The following PDE4A variants were observed in gnomAD, a reference collection of about 807,000 sequenced individuals.
PDE4A encodes the protein phosphodiesterase 4A, also known as 3',5'-cyclic-AMP phosphodiesterase 4A.
Under a neutral mutation model 73.9 loss-of-function variants are expected in PDE4A, and 21 were observed. The observed-to-expected ratio is 0.28, with a 90% confidence interval of 0.20 to 0.41. The LOEUF is 0.41. Among genes scored for constraint, PDE4A ranks in the 10% least tolerant of loss-of-function variants. The pLI is 1.00. For missense variants in PDE4A, 958 were observed against 1,211.4 expected (o/e 0.79, Z 3.10); for synonymous variants, 463 against 505.4 (o/e 0.92, Z 1.13).
At chr19:10,448,989 G>A (rs1419863157) in intron 3 of PDE4A, 36 bp downstream of exon 3, 1 of 1,612,384 alleles carries the variant, frequency 6.2e-7, no homozygotes, top group East Asian at 2.2e-5. Flanking sequence ...GGAGAGAAGG[G>A]GCTCCAATGC....
intron 1 of PDE4A, chr19:10,427,839 A>G: frequency 1.0e-6 from 1 of 985,350 alleles, no homozygotes; most frequent in Non-Finnish European, 1.2e-6. Context: ...CGGTGAACAA[A>G]AATGCATTTC....
chr19:10,454,410 T>C (rs1432049142), intron 6 of PDE4A, among the ~76,000 whole-genome samples: 1 of 152,196 alleles, frequency 6.6e-6, no homozygotes, highest in Non-Finnish European at 1.5e-5. Flanking sequence ...GCCTCCGGCT[T>C]GCCCCCCTTT....
In PDE4A at chr19:10,449,060, A is replaced by T; in HGVS notation, c.550-20A>T. ...CCTCTCTAGGGGAACCCCACTCCTC[A>T]CTGCCGCTCCCCATCCCAGGTGCTG... On this transcript the variant is annotated intron_variant, in intron 3 of 14. Transcript: ENST00000380702. The T allele has an allele frequency of 6.2e-7, 1 of 1,612,752 alleles. No individual in the cohort carries two copies. Among genetic ancestry groups the T allele is most frequent in the African/African-American group, 1.3e-5 (1 of 74,976 alleles).
chr19:10,446,338 G>A lies in PDE4A; in HGVS notation c.441G>A (p.Leu147=). 2 of 1,613,938 alleles carry A rather than the reference G, an allele frequency of 1.2e-6. No individual in the cohort carries two copies. Among genetic ancestry groups the A allele is most frequent in the Admixed American group, 1.7e-5 (1 of 60,018 alleles). ...AATSQRRESF[L]YRSDSDYDMS... Reference sequence around the variant, plus strand: ...CCAGCCAGCGCCGGGAGTCCTTCCTGTACCGCTCAGACAGCGACTATGACA... The same window carrying A: ...CCAGCCAGCGCCGGGAGTCCTTCCTATACCGCTCAGACAGCGACTATGACA... Residue 147 remains leucine (L), a synonymous_variant, in exon 2 of 15, where the codon CTG becomes CTA. Transcript: ENST00000380702.
intron 2 of PDE4A, among the ~76,000 whole-genome samples, chr19:10,446,739 C>A (rs750612051): frequency 8.6e-5 from 13 of 152,038 alleles, no homozygotes; most frequent in Non-Finnish European, 1.2e-4. Flanking sequence ...GGACTACAGG[C>A]ACCAGCCATC....
chr19:10,454,981 G>T (rs1489443247), intron 7 of PDE4A, 59 bp downstream of exon 7: 41 of 1,528,390 alleles, frequency 2.7e-5, no homozygotes, highest in Middle Eastern at 1.7e-4. Context: ...AGAGGGGGCT[G>T]CCCCTGACCG....
intron 1 of PDE4A, among the ~76,000 whole-genome samples, chr19:10,444,498 CAA>C (rs1180202891): frequency 1.4e-4 from 17 of 124,630 alleles, no homozygotes; most frequent in African/African-American, 1.2e-4. Flanking sequence ...AACTCCATCT[CAA>C]AAAAAAAAAA....
rs533637063 is a variant in PDE4A, at chr19:10,446,138, G to A, written c.321-80G>A. On this transcript the variant is annotated intron_variant, in intron 1 of 14. Transcript: ENST00000380702. The stretch of plus-strand genomic sequence containing the variant: ...ACAGGCATTACAGGCGTGAGCCACC[G>A]CACCCGGCCTCCTCATTCCTCTTGA... 3.2e-4 allele frequency: 482 copies of A among 1,500,480 alleles called. 5 individuals are homozygous for A. The East Asian group carries it at 0.01, about 32-fold the overall frequency. The allele number at this position is 1,500,480 out of a possible 1,614,324, so 92.9% of individuals were successfully genotyped here. A position where few individuals can be genotyped will look rare whatever the true frequency, so the allele number is the denominator to read the frequency against.
chr19:10,451,055 T>A, intron 6 of PDE4A, 114 bp downstream of exon 6: 1 of 1,032,492 alleles, frequency 9.7e-7, no homozygotes, highest in Non-Finnish European at 1.4e-6. Flanking sequence ...AGCCAGCCAT[T>A]AGGTTGTTCC....
At position 10,453,347 on chromosome 19, in the gene PDE4A, AG is replaced by A. The variant is rs1176549894; in HGVS notation, c.784-1477del. 5.4e-6 allele frequency: 6 copies of A among 1,103,294 alleles called. No homozygotes were observed. In the Admixed American group the frequency reaches 6.9e-5, roughly 13 times the overall value. The allele number at this position is 1,103,294 out of a possible 1,614,324, so 68.3% of individuals were successfully genotyped here. A position where few individuals can be genotyped will look rare whatever the true frequency, so the allele number is the denominator to read the frequency against. ...GGGACCAGGTAGGAGAGTGCAGGGTAGGGGGTGGGCGGGCATCCTGGTGAGC... is the reference window on the plus strand; with the variant it reads ...GGGACCAGGTAGGAGAGTGCAGGGTAGGGGTGGGCGGGCATCCTGGTGAGC... On this transcript the variant is annotated intron_variant, in intron 6 of 14. Coordinates refer to ENST00000380702, the MANE Select transcript of PDE4A (RefSeq NM_001111307.2). This position sits in a 1 kb window ranked among gnomAD's most constrained non-coding sequence, Gnocchi z 4.6.
upstream of PDE4A, chr19:10,417,150 T>C (rs2042596220): frequency 1.0e-6 from 1 of 983,664 alleles, no homozygotes; most frequent in Admixed American, 6.1e-5. Flanking sequence ...TGATTCCATT[T>C]TTTCTCCTGC....
Position 10,467,666 on chromosome 19 carries a change from C to T in PDE4A, c.*45C>T. On this transcript the variant is annotated 3_prime_UTR_variant, in exon 15 of 15. Coordinates refer to ENST00000380702, the MANE Select transcript of PDE4A (RefSeq NM_001111307.2). ...GTTCCCCTCCACTCCTCCCCTCACT[C>T]CCCTGCTCCCCCGACCACCTCCTCC... 1 of 1,408,880 alleles carries T rather than the reference C, an allele frequency of 7.1e-7. No homozygotes were observed. Among genetic ancestry groups the T allele is most frequent in the Non-Finnish European group, 9.6e-7 (1 of 1,040,920 alleles). The allele number at this position is 1,408,880 out of a possible 1,614,324, so 87.3% of individuals were successfully genotyped here. A position where few individuals can be genotyped will look rare whatever the true frequency, so the allele number is the denominator to read the frequency against.
At chr19:10,455,482 AT>A (rs376668786) in intron 7 of PDE4A, among the ~76,000 whole-genome samples, 5,689 of 145,596 alleles carry the variant, frequency 0.039, 237 homozygotes, top group African/African-American at 0.11. Context: ...AAAAAAAAAA[AT>A]ATTAGCCGGG....
intron 1 of PDE4A, chr19:10,423,006 T>G: frequency 1.8e-6 from 1 of 548,258 alleles, no homozygotes; most frequent in Non-Finnish European, 2.3e-6. Flanking sequence ...CATCATTATT[T>G]TGGTGGGTAT....
intron 7 of PDE4A, among the ~76,000 whole-genome samples, chr19:10,455,773 CAA>C (rs34278258): frequency 0.28 from 41,113 of 145,884 alleles, 6,620 homozygotes; most frequent in East Asian, 0.51. Flanking sequence ...AAAAAATAAA[CAA>C]AAAAAAAAAG....
rs750178577 is a variant in PDE4A at position 10,430,963 on chromosome 19, G to A, written c.320+9879G>A. ...GAGCCCCTGGCCCCGCGCGCGCCCC[G>A]CCGCCCGCGTTCGCCGCCCTCCTCG... is the stretch of plus-strand genomic sequence containing the variant. On this transcript the variant is annotated intron_variant, in intron 1 of 14. Coordinates refer to ENST00000380702, the MANE Select transcript of PDE4A (RefSeq NM_001111307.2). The A allele has an allele frequency of 2.4e-5, 36 of 1,527,262 alleles. No individual in the cohort carries two copies. The East Asian group carries it at 3.3e-4, about 14-fold the overall frequency. The allele number at this position is 1,527,262 out of a possible 1,614,324, so 94.6% of individuals were successfully genotyped here.
intron 7 of PDE4A, among the ~76,000 whole-genome samples, chr19:10,455,465 C>CAAAAA: frequency 8.5e-6 from 1 of 117,184 alleles, no homozygotes; most frequent in Non-Finnish European, 1.8e-5. Flanking sequence ...ACTCTTGTCT[C>CAAAAA]AAAAAAAAAA....
rs375456918 is a variant in PDE4A at position 10,462,033 on chromosome 19, A to G, written c.1743+34A>G. On this transcript the variant is annotated intron_variant, in intron 13 of 14. Coordinates refer to ENST00000380702, the MANE Select transcript of PDE4A (RefSeq NM_001111307.2). ...ACGCCCCATCATCTAAGGAGGGAGG[A>G]CACTCCCCCAGCCACACCTTTAGGT... 3 of 1,564,134 alleles carry G rather than the reference A, an allele frequency of 1.9e-6. No individual in the cohort carries two copies. In the South Asian group the frequency reaches 3.4e-5, roughly 18 times the overall value.
At chr19:10,423,656 G>C (rs2042679534) in intron 1 of PDE4A, among the ~76,000 whole-genome samples, 1 of 152,198 alleles carries the variant, frequency 6.6e-6, no homozygotes, top group Non-Finnish European at 1.5e-5. Flanking sequence ...CTGTGAGCTT[G>C]GAGATGTGTG....
Sources: gnomAD v4.1 joint callset for allele counts (sites outside exome capture counted in the v4.1 genomes callset) on GRCh38, gnomAD v4.1.1 for gene constraint, Gnocchi (gnomAD v3.1) non-coding constraint, MANE v1.5 for transcripts, NCBI Gene and HGNC (gene_info 2026-07-23, HGNC 2026-07-21) for gene names.